Variants in ADNP2 observed in about 807,000 individuals in gnomAD.
ADNP2 encodes activity-dependent neuroprotector homeobox protein 2.
ADNP2 carries 8 observed loss-of-function variants against 16.4 expected under a neutral mutation model. The ratio of observed to expected loss-of-function variants is 0.49; its 90% CI spans 0.29 to 0.88. The LOEUF is 0.88. Among genes scored for constraint, ADNP2 ranks in the 40% least tolerant of loss-of-function variants. The pLI is 0.09. For synonymous variants in ADNP2, 637 were observed against 545.8 expected (o/e 1.17, Z -2.33); for missense variants, 1,397 against 1,395.1 (o/e 1.00, Z -0.02).
At chr18:80,125,128 C>T (rs2052449697) in intron 2 of ADNP2, among the ~76,000 whole-genome samples, 1 of 152,100 alleles carries the variant, frequency 6.6e-6, no homozygotes, top group Non-Finnish European at 1.5e-5. Context: ...ATTGGTCTTG[C>T]TTTGTTACCC....
In ADNP2 at chr18:80,113,538, G is replaced by A. The variant is rs555460014; in HGVS notation, c.-13-3992G>A. Among the ~76,000 whole-genome samples, 4 of 152,146 alleles carry A rather than the reference G, an allele frequency of 2.6e-5. No homozygotes were observed. The South Asian group carries it at 8.3e-4, about 32-fold the overall frequency. ...AATTTATTCACCTTGTATGTCTTGG[G>A]CACCAGCTTTCCATAGCCATGTCCT... On this transcript the variant is annotated intron_variant, in intron 1 of 3. Coordinates refer to ENST00000262198, the MANE Select transcript of ADNP2 (RefSeq NM_014913.4).
At position 80,137,288 on chromosome 18, in the gene ADNP2, G is replaced by A. The variant is rs202046162; in HGVS notation, c.1875G>A (p.Pro625=). 21 of 1,613,938 alleles carry A rather than the reference G, an allele frequency of 1.3e-5. No individual in the cohort carries two copies. The highest frequency in any genetic ancestry group is 8.9e-5 in the East Asian group (4 of 44,884). ...TGGCCCCCGTGTCTGTCACTCTGCC[G>A]GTTCCCCCTGGAGGCCTTGCGACTG... ...YTLAPVSVTL[P]VPPGGLATVA... The change falls in exon 4 of 4, where the codon CCG becomes CCA. Residue 625 remains proline, a synonymous_variant. Coordinates refer to ENST00000262198, the MANE Select transcript of ADNP2 (RefSeq NM_014913.4). The surrounding 1 kb of genome is among the most constrained non-coding windows in gnomAD (Gnocchi z 4.2).
chr18:80,121,371 T>G (rs182224432), intron 2 of ADNP2, among the ~76,000 whole-genome samples: 1 of 152,390 alleles, frequency 6.6e-6, no homozygotes, highest in Admixed American at 6.5e-5. Context: ...GCAGGTTCTT[T>G]GCCTGTTTTT....
intron 2 of ADNP2, 111 bp from the exon 3 acceptor site, chr18:80,132,992 A>AT: frequency 1.3e-6 from 1 of 793,228 alleles, no homozygotes; most frequent in Non-Finnish European, 2.0e-6. Flanking sequence ...AAGTGCTGGG[A>AT]TTACAAGCAT....
intron 1 of ADNP2, chr18:80,110,170 A>G (rs1365298308): frequency 3.9e-5 from 6 of 152,212 alleles, no homozygotes; most frequent in Non-Finnish European, 7.3e-5. Flanking sequence ...TGACTTTAAC[A>G]TTACTTTTCA....
chr18:80,133,155 G>A lies in ADNP2; in HGVS notation c.161G>A (p.Gly54Asp), dbSNP rs199819195. The change falls in exon 3 of 4, where the codon GGT becomes GAT. Residue 54 changes from glycine to aspartate, a missense_variant. Gly to Asp is a moderately conservative substitution (Grantham distance 94). Coordinates refer to ENST00000262198, the MANE Select transcript of ADNP2 (RefSeq NM_014913.4). ...GEKYFHNTSW[G>D]DVSLWEPSGK... ...AAATACTTTCATAACACATCATGGG[G>A]TGATGTTTCTCTCTGGGAACCTTCT... The A allele has an allele frequency of 3.1e-6, 5 of 1,613,804 alleles. No homozygotes were observed. The highest frequency in any genetic ancestry group is 4.2e-6 in the Non-Finnish European group (5 of 1,179,782).
At chr18:80,122,826 T>G (rs1030360079) in intron 2 of ADNP2, among the ~76,000 whole-genome samples, 1 of 152,224 alleles carries the variant, frequency 6.6e-6, no homozygotes, top group Admixed American at 6.5e-5. Context: ...TTGTTCTGTT[T>G]AGAACGTCCA....
chr18:80,131,751 A>G (rs2052498041), intron 2 of ADNP2, among the ~76,000 whole-genome samples: 1 of 151,938 alleles, frequency 6.6e-6, no homozygotes, highest in South Asian at 2.1e-4. Flanking sequence ...TTGCAAGGAC[A>G]GAAAACCAAA....
intron 2 of ADNP2, among the ~76,000 whole-genome samples, chr18:80,128,628 C>T (rs544274694): frequency 3.3e-5 from 5 of 151,986 alleles, no homozygotes; most frequent in East Asian, 3.9e-4. Context: ...CCAGCCTGGG[C>T]GACAGAGCAA....
intron 1 of ADNP2, among the ~76,000 whole-genome samples, 154 bp from the exon 2 acceptor site, chr18:80,117,376 A>G (rs1047880018): frequency 1.3e-5 from 2 of 152,158 alleles, no homozygotes; most frequent in Admixed American, 6.5e-5. Context: ...GAAGAGGTCA[A>G]CCTCATTCAT....
rs542255360 is a variant in ADNP2 at position 80,111,295 on chromosome 18, C to T, written c.-14+1823C>T. ...TAATAGCAAACTCAGTGCTTATGTG[C>T]TGTTTTGCATGTATTAACTCATTTA... On this transcript the variant is annotated intron_variant, in intron 1 of 3. Coordinates refer to ENST00000262198, the MANE Select transcript of ADNP2 (RefSeq NM_014913.4). Among the ~76,000 whole-genome samples, 45 of 152,264 alleles carry T rather than the reference C, an allele frequency of 3.0e-4. 1 individual carries two copies. In the South Asian group the frequency reaches 5.6e-3, roughly 19 times the overall value.
At chr18:80,118,381 T>G (rs1357121157) in intron 2 of ADNP2, among the ~76,000 whole-genome samples, 1 of 151,788 alleles carries the variant, frequency 6.6e-6, no homozygotes, top group African/African-American at 2.4e-5. Context: ...TGAGCCGAGA[T>G]AGCACCACTG....
rs1239683796 is a variant in ADNP2 at position 80,136,428 on chromosome 18, C to T, written c.1015C>T (p.Pro339Ser). The change falls in exon 4 of 4, where the codon CCT becomes TCT. Residue 339 changes from proline to serine, a missense_variant. This residue lies in a region of ADNP2 where 777 missense variants were observed against 719.4 expected (regional missense o/e 1.08). Coordinates refer to ENST00000262198, the MANE Select transcript of ADNP2 (RefSeq NM_014913.4). ...SHMTLVSSPL[P>S]VGQNSLTLQP... is the part of the protein sequence containing the mutation. Reference sequence around the variant, plus strand: ...CATGACTCTGGTCTCCAGCCCTCTGCCTGTGGGCCAGAACAGCCTCACCCT... The same window carrying T: ...CATGACTCTGGTCTCCAGCCCTCTGTCTGTGGGCCAGAACAGCCTCACCCT... The T allele has an allele frequency of 6.2e-7, 1 of 1,614,190 alleles. No homozygotes were observed. The highest frequency in any genetic ancestry group is 1.1e-5 in the South Asian group (1 of 91,080).
At position 80,136,661 on chromosome 18, in the gene ADNP2, T is replaced by C. The variant is rs2052537785; in HGVS notation, c.1248T>C (p.Pro416=). 6.2e-7 allele frequency: 1 copy of C among 1,613,654 alleles called. No individual in the cohort carries two copies. The highest frequency in any genetic ancestry group is 8.5e-7 in the Non-Finnish European group (1 of 1,179,672). ...GACCCATAAACAGACCTGTTGGGCC[T>C]GGTGTTCTTCCTGTGAGCCCCTCTG... ...PVGPINRPVG[P]GVLPVSPSVT... The change falls in exon 4 of 4, where the codon CCT becomes CCC. Residue 416 remains proline, a synonymous_variant. Transcript: ENST00000262198.
At position 80,137,357 on chromosome 18, in the gene ADNP2, A is replaced by T; in HGVS notation, c.1944A>T (p.Ala648=). Reference sequence around the variant, plus strand: ...CCATCCAGCTCCTGCCGTCAGGTGCAGCTGCACCAATGGCCGGTTCCATGC... The same window carrying T: ...CCATCCAGCTCCTGCCGTCAGGTGCTGCTGCACCAATGGCCGGTTCCATGC... ...QMPIQLLPSG[A]AAPMAGSMPG... The change falls in exon 4 of 4, where the codon GCA becomes GCT. Residue 648 remains alanine, a synonymous_variant. Transcript: ENST00000262198. The surrounding 1 kb of genome is among the most constrained non-coding windows in gnomAD (Gnocchi z 4.2). 1 of 1,614,158 alleles carries T rather than the reference A, an allele frequency of 6.2e-7. No homozygotes were observed. Among genetic ancestry groups the T allele is most frequent in the Non-Finnish European group, 8.5e-7 (1 of 1,180,022 alleles).
chr18:80,117,313 T>C (rs2052395620), intron 1 of ADNP2, among the ~76,000 whole-genome samples: 1 of 152,214 alleles, frequency 6.6e-6, no homozygotes, highest in Admixed American at 6.5e-5. Flanking sequence ...GTTTTAGGTC[T>C]TACATACAGG....
chr18:80,138,861 CAGTTGA>C lies in ADNP2; in HGVS notation c.*54_*59del, dbSNP rs1232086796. On this transcript the variant is annotated 3_prime_UTR_variant, in exon 4 of 4. Coordinates refer to ENST00000262198, the MANE Select transcript of ADNP2 (RefSeq NM_014913.4). ...TCTAAAGTAGTAGGTAGATTTTTTTCAGTTGAAATTTCACAGTGTTGTCCTCACTGT... is the reference window on the plus strand; with the variant it reads ...TCTAAAGTAGTAGGTAGATTTTTTTCAATTTCACAGTGTTGTCCTCACTGT... 2.9e-6 allele frequency: 4 copies of C among 1,400,284 alleles called. No individual in the cohort carries two copies. The highest frequency in any genetic ancestry group is 2.8e-6 in the Non-Finnish European group (3 of 1,066,918). 86.7% of individuals were successfully genotyped at this position (1,400,284 alleles called of 1,614,324 possible).
At chr18:80,111,504 G>C (rs913620329) in intron 1 of ADNP2, among the ~76,000 whole-genome samples, 2 of 151,286 alleles carry the variant, frequency 1.3e-5, no homozygotes, top group African/African-American at 4.9e-5. Context: ...CGATTTCACA[G>C]GAACTAAAAA....
Position 80,140,030 on chromosome 18 carries a change from G to C in ADNP2, c.*1221G>C, listed in dbSNP as rs2052571231. On this transcript the variant is annotated 3_prime_UTR_variant, in exon 4 of 4. Transcript: ENST00000262198. ...ACTTAAAGCACCAGAACCAGTCATG[G>C]AGACCAGCCAGTTTAGATGGTAAGT... 6.6e-6 allele frequency: 1 copy of C among 152,182 alleles called. No homozygotes were observed. Among genetic ancestry groups the C allele is most frequent in the Non-Finnish European group, 1.5e-5 (1 of 68,036 alleles). The allele number at this position is 152,182 out of a possible 1,614,324, so 9.4% of individuals were successfully genotyped here.
Sources: allele counts gnomAD v4.1 joint callset (sites outside exome capture counted in the v4.1 genomes callset), GRCh38; gene constraint gnomAD v4.1.1; regional missense constraint gnomAD v4.1.1; non-coding constraint Gnocchi (gnomAD v3.1); transcripts MANE v1.5; gene names NCBI Gene and HGNC (gene_info 2026-07-23, HGNC 2026-07-21).